The following TOP2A variants were observed in gnomAD, a reference collection of about 807,000 sequenced individuals.
TOP2A encodes the protein DNA topoisomerase 2-alpha.
In TOP2A, 68 loss-of-function variants were observed where a neutral mutation model predicts 187.2. The ratio of observed to expected loss-of-function variants is 0.36; its 90% CI spans 0.30 to 0.44. The LOEUF (loss-of-function observed/expected upper bound fraction) is 0.44, where lower values mean the gene tolerates loss of function less well. Among genes scored for constraint, TOP2A ranks in the 20% least tolerant of loss-of-function variants. TOP2A has a pLI of 1.00. For synonymous variants in TOP2A, 542 were observed against 593.2 expected (o/e 0.91, Z 1.25); for missense variants, 1,196 against 1,808.7 (o/e 0.66, Z 6.14).
In TOP2A at chr17:40,396,367, A is replaced by C. The variant is rs1462934049; in HGVS notation, c.3636T>G (p.Pro1212=). The C allele has an allele frequency of 2.5e-6, 4 of 1,613,836 alleles. No individual in the cohort carries two copies. Among genetic ancestry groups the C allele is most frequent in the Admixed American group, 3.3e-5 (2 of 59,980 alleles). Reference sequence around the variant, plus strand: ...GAATGACTCTTTGACCACGCGGAGAAGGCAAAACTTCAGCCATTTGTGTTT... The same window carrying C: ...GAATGACTCTTTGACCACGCGGAGACGGCAAAACTTCAGCCATTTGTGTTT... ...GKKTQMAEVL[P]SPRGQRVIPR... is the part of the protein sequence containing the mutation. The change falls in exon 28 of 35, where the codon CCT becomes CCG. Residue 1212 remains proline, a synonymous_variant. Coordinates refer to ENST00000423485, the MANE Select transcript of TOP2A (RefSeq NM_001067.4).
rs1314594003 is a variant in TOP2A at position 40,398,858 on chromosome 17, G to T, written c.3368C>A (p.Pro1123Gln). ...EKSDSVTDSG[P>Q]TFNYLLDMPL... The stretch of plus-strand genomic sequence containing the variant: ...CATATCAAGAAGATAGTTGAAGGTT[G>T]GTCCAGAATCTGTTACGGAGTCACT... The change falls in exon 26 of 35, where the codon CCA becomes CAA. Residue 1123 changes from proline to glutamine, a missense_variant. This residue lies in a region of TOP2A where 232 missense variants were observed against 306.1 expected (regional missense o/e 0.76). Transcript: ENST00000423485. 1.2e-6 allele frequency: 2 copies of T among 1,613,670 alleles called. No individual in the cohort carries two copies. Among genetic ancestry groups the T allele is most frequent in the African/African-American group, 2.7e-5 (2 of 74,900 alleles).
chr17:40,402,780 C>G (rs1021965734), intron 20 of TOP2A, 126 bp downstream of exon 20: 1 of 986,658 alleles, frequency 1.0e-6, no homozygotes, highest in Non-Finnish European at 1.5e-6. Context: ...AAGCCTCACC[C>G]CTGGCCTCTG....
rs1403148888 is a variant in TOP2A, at chr17:40,391,656, G to C, written c.4133-16C>G. On this transcript the variant is annotated splice_polypyrimidine_tract_variant and intron_variant, in intron 32 of 34. Transcript: ENST00000423485. ...GCTTCAAGGTCTATTATTTCAAATG[G>C]AAAGGAAAATAGTACATTTAAGCAA... 1.3e-6 allele frequency: 2 copies of C among 1,562,484 alleles called. No individual in the cohort carries two copies. Among genetic ancestry groups the C allele is most frequent in the East Asian group, 4.6e-5 (2 of 43,330 alleles).
chr17:40,391,733 C>T (rs2035024187), intron 32 of TOP2A, 93 bp from the exon 33 acceptor site: 3 of 1,260,718 alleles, frequency 2.4e-6, no homozygotes, highest in East Asian at 2.7e-5. Flanking sequence ...CCTATTTAAA[C>T]ACCAAATATG....
chr17:40,393,868 C>T (rs1282661270), intron 29 of TOP2A, among the ~76,000 whole-genome samples: 1 of 151,972 alleles, frequency 6.6e-6, no homozygotes, highest in Non-Finnish European at 1.5e-5. Context: ...CCATCCTGGC[C>T]AACATGGTGA....
In TOP2A at chr17:40,397,037, C is replaced by T. The variant is rs141351960; in HGVS notation, c.3538-572G>A. Among the ~76,000 whole-genome samples, 400 of 151,834 alleles carry T rather than the reference C, an allele frequency of 2.6e-3. 2 individuals carry two copies. The highest frequency in any genetic ancestry group is 9.3e-3 in the African/African-American group (383 of 41,398). ...AGCTGAGACTATAGGCCCACACCACCATGCCTGGCTATTTAAAAAAAACAT... is the reference window on the plus strand; with the variant it reads ...AGCTGAGACTATAGGCCCACACCACTATGCCTGGCTATTTAAAAAAAACAT... On this transcript the variant is annotated intron_variant, in intron 27 of 34. Transcript: ENST00000423485.
chr17:40,404,489 A>G lies in TOP2A; in HGVS notation c.2049T>C (p.Asp683=), dbSNP rs2035216068. The stretch of plus-strand genomic sequence containing the variant: ...ATGTGGTAGTTTGTCCATACAAGTA[A>G]TCCTGAAGGACCAAATAGTATTACA... ...RQRKLLGLPE[D]YLYGQTTTYL... Residue 683 remains aspartate, a splice_region_variant and synonymous_variant, in exon 18 of 35, where the codon GAT becomes GAC. Coordinates refer to ENST00000423485, the MANE Select transcript of TOP2A (RefSeq NM_001067.4). The G allele has an allele frequency of 6.4e-7, 1 of 1,561,834 alleles. No homozygotes were observed. The highest frequency in any genetic ancestry group is 8.8e-7 in the Non-Finnish European group (1 of 1,135,176).
intron 3 of TOP2A, 118 bp from the exon 4 acceptor site, chr17:40,416,186 G>T: frequency 1.1e-6 from 1 of 874,992 alleles, no homozygotes; most frequent in Non-Finnish European, 1.8e-6. Context: ...CATTAACAAG[G>T]TGTTAATTTA....
chr17:40,417,131 C>G (rs566303483), intron 1 of TOP2A, among the ~76,000 whole-genome samples: 1 of 152,212 alleles, frequency 6.6e-6, no homozygotes, highest in South Asian at 2.1e-4. Context: ...TGTCTGGAAA[C>G]CTCTTTTCTT....
At position 40,411,342 on chromosome 17, in the gene TOP2A, A is replaced by G; in HGVS notation, c.1065+12T>C. Reference sequence around the variant, plus strand: ...TTGACTTTAGAAAAAGAAAACTGCCAAAAGCACATACCTGATGTGCTTTTA... The same window carrying G: ...TTGACTTTAGAAAAAGAAAACTGCCGAAAGCACATACCTGATGTGCTTTTA... On this transcript the variant is annotated intron_variant, in intron 9 of 34. Transcript: ENST00000423485. The surrounding 1 kb of genome is among the most constrained non-coding windows in gnomAD (Gnocchi z 4.4). 6.2e-7 allele frequency: 1 copy of G among 1,613,422 alleles called. No homozygotes were observed.
In TOP2A at chr17:40,406,811, G is replaced by T; in HGVS notation, c.1737+21C>A. On this transcript the variant is annotated intron_variant, in intron 14 of 34. Transcript: ENST00000423485. Reference sequence around the variant, plus strand: ...AGTAGGGTCTTAAAATATCCATGATGGTACTTAGAAATTAGCGTACCTTTA... The same window carrying T: ...AGTAGGGTCTTAAAATATCCATGATTGTACTTAGAAATTAGCGTACCTTTA... 1.9e-6 allele frequency: 3 copies of T among 1,588,972 alleles called. No individual in the cohort carries two copies. The South Asian group carries it at 3.3e-5, about 18-fold the overall frequency.
rs202246173 is a variant in TOP2A, at chr17:40,390,624, AT to A, written c.4268-461del. 8.7e-3 allele frequency among the ~76,000 whole-genome samples: 1,130 copies of A among 129,734 alleles called. 11 individuals are homozygous for A. Among genetic ancestry groups the A allele is most frequent in the African/African-American group, 0.022 (778 of 35,336 alleles). 85.1% of individuals were successfully genotyped at this position (129,734 alleles called of 152,430 possible). A position where few individuals can be genotyped will look rare whatever the true frequency, so the allele number is the denominator to read the frequency against. On this transcript the variant is annotated intron_variant, in intron 33 of 34. Coordinates refer to ENST00000423485, the MANE Select transcript of TOP2A (RefSeq NM_001067.4). ...GAATCAAAGTATTCTTAAACATTCTATTTTTTTTTTTTTTTTTTTGAGACAG... is the reference window on the plus strand; with the variant it reads ...GAATCAAAGTATTCTTAAACATTCTATTTTTTTTTTTTTTTTTTGAGACAG...
intron 4 of TOP2A, among the ~76,000 whole-genome samples, chr17:40,414,034 A>AT (rs1313064201): frequency 1.3e-5 from 2 of 152,178 alleles, no homozygotes; most frequent in Non-Finnish European, 2.9e-5. Context: ...AGTTCCTGAC[A>AT]TTCCTGAAAT....
At chr17:40,397,671 T>A (rs1042373255) in intron 27 of TOP2A, among the ~76,000 whole-genome samples, 1 of 152,186 alleles carries the variant, frequency 6.6e-6, no homozygotes, top group African/African-American at 2.4e-5. Flanking sequence ...AGTCCTAATA[T>A]GTTCTTCCCT....
In TOP2A at chr17:40,417,853, G is replaced by T. The variant is rs1366482512; in HGVS notation, c.-62C>A. On this transcript the variant is annotated 5_prime_UTR_variant, in exon 1 of 35. Transcript: ENST00000423485. ...CGACTAAACAGGCAGGACCCCACGA[G>T]ACCACCCCCGACCAAGCCGCTTCTC... 6.2e-7 allele frequency: 1 copy of T among 1,601,020 alleles called. No homozygotes were observed. Among genetic ancestry groups the T allele is most frequent in the African/African-American group, 1.3e-5 (1 of 74,598 alleles).
chr17:40,397,304 T>A (rs1030708017), intron 27 of TOP2A, among the ~76,000 whole-genome samples: 1 of 122,780 alleles, frequency 8.1e-6, no homozygotes, highest in Non-Finnish European at 1.7e-5. Flanking sequence ...TTTTTTTTTT[T>A]AGATGGAGTC....
chr17:40,399,188 A>C (rs1248127765), intron 24 of TOP2A, 57 bp from the exon 25 acceptor site: 7 of 1,256,970 alleles, frequency 5.6e-6, no homozygotes, highest in Non-Finnish European at 7.9e-6. Flanking sequence ...TAGGAAGGGG[A>C]TAAGGTTTTA....
Position 40,408,100 on chromosome 17 carries a change from G to A in TOP2A, c.1367C>T (p.Thr456Met), listed in dbSNP as rs2143669992. 4 of 1,607,158 alleles carry A rather than the reference G, an allele frequency of 2.5e-6. No individual in the cohort carries two copies. The highest frequency in any genetic ancestry group is 3.4e-6 in the Non-Finnish European group (4 of 1,177,266). ...TGAATCTCCCTCAGTCAGGATAAGCGTACACTCAGTGGAGTTTCGGCCCCC... is the reference window on the plus strand; with the variant it reads ...TGAATCTCCCTCAGTCAGGATAAGCATACACTCAGTGGAGTTTCGGCCCCC... Reference protein sequence around the residue: ...DAGGRNSTECTLILTEGDSAK... With the variant: ...DAGGRNSTECMLILTEGDSAK... Residue 456 changes from threonine to methionine, a missense_variant, in exon 12 of 35, where the codon ACG (threonine) becomes ATG (methionine). Physicochemically the swap from Thr to Met is moderately conservative, Grantham distance 81 (BLOSUM62 -1). Coordinates refer to ENST00000423485, the MANE Select transcript of TOP2A (RefSeq NM_001067.4).
rs1162164355 is a variant in TOP2A, at chr17:40,408,571, G to T, written c.1263C>A (p.Val421=). 40 of 1,613,588 alleles carry T rather than the reference G, an allele frequency of 2.5e-5. No homozygotes were observed. The highest frequency in any genetic ancestry group is 3.4e-5 in the Non-Finnish European group (40 of 1,179,632). ...ILNWVKFKAQ[V]QLNKKCSAVK... is the part of the protein sequence containing the mutation. The stretch of plus-strand genomic sequence containing the variant: ...CAGCTGAACACTTCTTGTTTAACTG[G>T]ACTTGGGCCTTAAACTTCACCCAGT... The change falls in exon 11 of 35, where the codon GTC becomes GTA. Residue 421 remains valine, a synonymous_variant. Coordinates refer to ENST00000423485, the MANE Select transcript of TOP2A (RefSeq NM_001067.4).
Sources: allele counts gnomAD v4.1 joint callset (sites outside exome capture counted in the v4.1 genomes callset), GRCh38; gene constraint gnomAD v4.1.1; regional missense constraint gnomAD v4.1.1; non-coding constraint Gnocchi (gnomAD v3.1); transcripts MANE v1.5; gene names NCBI Gene and HGNC (gene_info 2026-07-23, HGNC 2026-07-21).